The following NELL1 variants were observed in gnomAD, a reference collection of about 807,000 sequenced individuals.
The protein encoded by NELL1 is protein kinase C-binding protein NELL1.
In NELL1, 76 loss-of-function variants were observed where a neutral mutation model predicts 107.4. That is an observed-to-expected ratio of 0.71 (90% CI 0.59 to 0.86). The LOEUF is 0.86. NELL1 is among the 40% of genes least tolerant of loss of function. The pLI is 0.00. For synonymous variants in NELL1, 353 were observed against 341.2 expected (o/e 1.03, Z -0.38); for missense variants, 1,024 against 1,005.5 (o/e 1.02, Z -0.25).
At chr11:21,455,626 C>T (rs898505597) in intron 15 of NELL1, among the ~76,000 whole-genome samples, 2 of 152,078 alleles carry the variant, frequency 1.3e-5, no homozygotes, top group Admixed American at 6.6e-5. Context: ...GACAACCATG[C>T]CCAGCAAACT....
At chr11:21,369,683 A>G (rs963555331) in intron 14 of NELL1, among the ~76,000 whole-genome samples, 3 of 152,008 alleles carry the variant, frequency 2.0e-5, no homozygotes, top group Non-Finnish European at 4.4e-5. Context: ...ACTTTTTCAA[A>G]CTACAATTAA....
At chr11:20,923,928 G>A (rs1339904085) in intron 7 of NELL1, among the ~76,000 whole-genome samples, 3 of 152,074 alleles carry the variant, frequency 2.0e-5, no homozygotes, top group African/African-American at 7.2e-5. Flanking sequence ...CACAACTAAT[G>A]TACTTAGATC....
chr11:21,066,425 A>G (rs1200409648), intron 12 of NELL1, among the ~76,000 whole-genome samples: 1 of 152,210 alleles, frequency 6.6e-6, no homozygotes, highest in Admixed American at 6.5e-5. Flanking sequence ...TAAATACAAC[A>G]TAAAAAAGTA....
At chr11:20,723,086 G>A (rs1855429164) in intron 2 of NELL1, among the ~76,000 whole-genome samples, 1 of 152,116 alleles carries the variant, frequency 6.6e-6, no homozygotes, top group African/African-American at 2.4e-5. Flanking sequence ...CGCCTCCCCT[G>A]ACATGTGGGG....
In NELL1 at chr11:20,699,257, C is replaced by T. The variant is rs373837933; in HGVS notation, c.184+21197C>T. On this transcript the variant is annotated intron_variant, in intron 2 of 19. Coordinates refer to ENST00000357134, the MANE Select transcript of NELL1 (RefSeq NM_006157.5). Reference sequence around the variant, plus strand: ...AAACAAAACAAACAAAAAAGAATAACGGTCTCCAACTCCATCCATGTTGCT... The same window carrying T: ...AAACAAAACAAACAAAAAAGAATAATGGTCTCCAACTCCATCCATGTTGCT... Among the ~76,000 whole-genome samples the T allele has an allele frequency of 6.6e-5, 10 of 151,986 alleles. No individual in the cohort carries two copies. In the South Asian group the frequency reaches 1.0e-3, roughly 16 times the overall value.
intron 16 of NELL1, among the ~76,000 whole-genome samples, chr11:21,547,787 A>G (rs1438681646): frequency 6.6e-6 from 1 of 151,886 alleles, no homozygotes; most frequent in Non-Finnish European, 1.5e-5. Flanking sequence ...AATTCTCATA[A>G]TGAACCTTCA....
intron 12 of NELL1, among the ~76,000 whole-genome samples, chr11:21,049,099 T>C (rs925895670): frequency 5.9e-5 from 9 of 152,178 alleles, no homozygotes; most frequent in African/African-American, 1.7e-4. Context: ...TGAGTTGTCC[T>C]GCATTGAAAT....
chr11:21,561,451 A>G (rs892938300), intron 17 of NELL1, among the ~76,000 whole-genome samples: 12 of 152,104 alleles, frequency 7.9e-5, no homozygotes, highest in African/African-American at 2.9e-4. Context: ...AGCACCTGCT[A>G]TATTTCAGCC....
chr11:21,435,059 T>C (rs1853072430), intron 15 of NELL1, among the ~76,000 whole-genome samples: 1 of 152,136 alleles, frequency 6.6e-6, no homozygotes, highest in African/African-American at 2.4e-5. Flanking sequence ...AATTTGTTGA[T>C]TACTTCTAAG....
At chr11:20,762,717 A>G (rs10833388) in intron 2 of NELL1, among the ~76,000 whole-genome samples, 1 of 152,088 alleles carries the variant, frequency 6.6e-6, no homozygotes, top group African/African-American at 2.4e-5. Flanking sequence ...GTTGACAGGC[A>G]TCTTTGCATT....
intron 3 of NELL1, among the ~76,000 whole-genome samples, chr11:20,786,897 A>G (rs969890203): frequency 2.0e-5 from 3 of 148,038 alleles, no homozygotes; most frequent in Admixed American, 6.9e-5. Flanking sequence ...AGTCCCAGCT[A>G]CTTGGGAGGC....
chr11:21,328,751 A>G (rs958433358), intron 14 of NELL1, among the ~76,000 whole-genome samples: 14 of 152,198 alleles, frequency 9.2e-5, no homozygotes, highest in African/African-American at 3.4e-4. Flanking sequence ...TTGCATCAGC[A>G]TGACCTGGAT....
chr11:20,703,600 T>C (rs1214350771), intron 2 of NELL1, among the ~76,000 whole-genome samples: 2 of 152,212 alleles, frequency 1.3e-5, no homozygotes, highest in African/African-American at 4.8e-5. Context: ...GATGTTAGGG[T>C]GTCAATTTTA....
intron 14 of NELL1, among the ~76,000 whole-genome samples, chr11:21,274,918 A>G (rs1029867121): frequency 6.6e-6 from 1 of 152,236 alleles, no homozygotes; most frequent in Non-Finnish European, 1.5e-5. Flanking sequence ...AGGGAAATTT[A>G]TAGCACTAAA....
chr11:20,958,227 G>A lies in NELL1; in HGVS notation c.1172-2205G>A, dbSNP rs556222075. ...GAGCCTAGGAGTTTGAGACAAGCCT[G>A]GGCAACATAGTGAGACTTCATCTCT... is the stretch of plus-strand genomic sequence containing the variant. On this transcript the variant is annotated intron_variant, in intron 11 of 19. Coordinates refer to ENST00000357134, the MANE Select transcript of NELL1 (RefSeq NM_006157.5). 7.2e-5 allele frequency among the ~76,000 whole-genome samples: 11 copies of A among 152,168 alleles called. No individual in the cohort carries two copies. In the East Asian group the frequency reaches 2.1e-3, roughly 30 times the overall value.
At chr11:21,181,485 G>C (rs1856825349) in intron 13 of NELL1, among the ~76,000 whole-genome samples, 1 of 151,802 alleles carries the variant, frequency 6.6e-6, no homozygotes, top group Admixed American at 6.6e-5. Flanking sequence ...CTCAGAGGTG[G>C]GGCATGGCAG....
chr11:20,883,061 C>T (rs1243622306), intron 4 of NELL1, among the ~76,000 whole-genome samples: 1 of 152,130 alleles, frequency 6.6e-6, no homozygotes, highest in Non-Finnish European at 1.5e-5. Flanking sequence ...CATCTGTATC[C>T]AGTTTGTTGA....
intron 14 of NELL1, among the ~76,000 whole-genome samples, chr11:21,258,847 T>A (rs1858835455): frequency 6.6e-6 from 1 of 151,984 alleles, no homozygotes; most frequent in Admixed American, 6.6e-5. Flanking sequence ...AGAAAATTTG[T>A]GAAGCATAGG....
At chr11:21,085,900 A>C (rs1243360867) in intron 12 of NELL1, among the ~76,000 whole-genome samples, 2 of 152,228 alleles carry the variant, frequency 1.3e-5, no homozygotes, top group Non-Finnish European at 1.5e-5. Context: ...GTATTTCACA[A>C]AAGTGGCTCA....
Sources: allele counts gnomAD v4.1 joint callset (sites outside exome capture counted in the v4.1 genomes callset), GRCh38; gene constraint gnomAD v4.1.1; transcripts MANE v1.5; gene names NCBI Gene and HGNC (gene_info 2026-07-23, HGNC 2026-07-21).